Variants in ERCC6L2 observed in about 807,000 individuals in gnomAD.
ERCC6L2 encodes DNA excision repair protein ERCC-6-like 2.
A neutral mutation model predicts 132.0 loss-of-function variants in ERCC6L2; 77 were observed. That is an observed-to-expected ratio of 0.58 (90% CI 0.49 to 0.71). The LOEUF is 0.71. ERCC6L2 is among the 30% of genes least tolerant of loss of function. The pLI is 0.00. For missense variants in ERCC6L2, 1,542 were observed against 1,837.6 expected (o/e 0.84, Z 2.94); for synonymous variants, 583 against 632.4 (o/e 0.92, Z 1.17).
chr9:95,880,933 A>G lies in ERCC6L2; in HGVS notation c.111A>G (p.Ala37=). The part of the protein sequence containing the change: ...PSPDNGKLCE[A]SIKSITVDEN... ...CAGATAATGGAAAACTTTGTGAAGC[A>G]AGCATAAAATCTATCACAGTGGATG... The change falls in exon 2 of 19, where the codon GCA becomes GCG. Residue 37 remains alanine (A), a synonymous_variant. Coordinates refer to ENST00000653738, the MANE Select transcript of ERCC6L2 (RefSeq NM_020207.7). 6.2e-7 allele frequency: 1 copy of G among 1,613,906 alleles called. No homozygotes were observed. Among genetic ancestry groups the G allele is most frequent in the Non-Finnish European group, 8.5e-7 (1 of 1,179,894 alleles).
chr9:95,957,657 T>C (rs1831675062), intron 13 of ERCC6L2, among the ~76,000 whole-genome samples: 1 of 152,022 alleles, frequency 6.6e-6, no homozygotes, highest in Non-Finnish European at 1.5e-5. Flanking sequence ...TTATAAAATA[T>C]ACATTGTGCA....
intron 4 of ERCC6L2, among the ~76,000 whole-genome samples, chr9:95,908,276 C>T (rs952054739): frequency 3.9e-5 from 6 of 151,950 alleles, no homozygotes; most frequent in Admixed American, 1.3e-4. Flanking sequence ...TGATTAAAAC[C>T]GAGGCTGATT....
chr9:96,039,797 G>C (rs1257115050), intron 20 of ERCC6L2, among the ~76,000 whole-genome samples: 1 of 152,174 alleles, frequency 6.6e-6, no homozygotes, highest in Non-Finnish European at 1.5e-5. Context: ...CTGTCCCCCA[G>C]GGCTGCACAG....
At chr9:95,917,964 T>G (rs578196998) in intron 6 of ERCC6L2, among the ~76,000 whole-genome samples, 1 of 152,334 alleles carries the variant, frequency 6.6e-6, no homozygotes, top group Non-Finnish European at 1.5e-5. Context: ...AACTTCTATA[T>G]TCTCTTTTTT....
intron 4 of ERCC6L2, among the ~76,000 whole-genome samples, chr9:95,912,420 CA>C (rs1461900063): frequency 7.2e-5 from 11 of 152,024 alleles, no homozygotes; most frequent in African/African-American, 2.7e-4. Flanking sequence ...CAAATGTTGG[CA>C]AAATGTAAGT....
At chr9:95,923,684 C>A (rs933481026) in intron 9 of ERCC6L2, among the ~76,000 whole-genome samples, 1 of 152,098 alleles carries the variant, frequency 6.6e-6, no homozygotes, top group Admixed American at 6.6e-5. Flanking sequence ...AATAGCTTGT[C>A]TTCAGATGTT....
intron 19 of ERCC6L2, among the ~76,000 whole-genome samples, chr9:96,036,690 T>G (rs944967499): frequency 6.6e-6 from 1 of 152,014 alleles, no homozygotes; most frequent in African/African-American, 2.4e-5. Context: ...AGTTGATGTT[T>G]TTTTCCTAGT....
downstream of ERCC6L2, among the ~76,000 whole-genome samples, chr9:96,019,448 G>A (rs963589303): frequency 3.3e-5 from 5 of 152,032 alleles, no homozygotes; most frequent in Admixed American, 2.0e-4. Flanking sequence ...CAGTACCTAA[G>A]TGGCCTTCCT....
At chr9:95,902,060 G>A (rs1378683189) in intron 3 of ERCC6L2, among the ~76,000 whole-genome samples, 2 of 152,124 alleles carry the variant, frequency 1.3e-5, no homozygotes, top group African/African-American at 4.8e-5. Context: ...TGAACTGAAT[G>A]TTACAAATTA....
At chr9:95,929,131 G>C (rs1022308179) in intron 11 of ERCC6L2, 3 of 239,296 alleles carry the variant, frequency 1.3e-5, no homozygotes, top group African/African-American at 7.0e-5. Context: ...ATTTTCCATG[G>C]TAGTGTTTTG....
intron 11 of ERCC6L2, among the ~76,000 whole-genome samples, chr9:95,933,558 G>A (rs1830432303): frequency 1.3e-5 from 2 of 151,986 alleles, no homozygotes; most frequent in African/African-American, 4.8e-5. Flanking sequence ...GAAGTCTTCA[G>A]AACAGGCCAG....
intron 19 of ERCC6L2, among the ~76,000 whole-genome samples, chr9:96,028,625 G>A (rs1834413383): frequency 2.0e-5 from 3 of 152,150 alleles, no homozygotes; most frequent in Non-Finnish European, 4.4e-5. Flanking sequence ...ATAAAGCCTG[G>A]CTGTTCCCCT....
intron 19 of ERCC6L2, among the ~76,000 whole-genome samples, chr9:96,037,243 G>A (rs946602301): frequency 6.6e-6 from 1 of 152,222 alleles, no homozygotes; most frequent in Non-Finnish European, 1.5e-5. Flanking sequence ...CCCTGTGCGT[G>A]GAGAGGAAAA....
intron 2 of ERCC6L2, among the ~76,000 whole-genome samples, chr9:95,886,605 T>C (rs772891573): frequency 2.6e-5 from 4 of 152,194 alleles, no homozygotes; most frequent in Non-Finnish European, 4.4e-5. Flanking sequence ...GTTCAATTGG[T>C]TGACATTTGA....
At chr9:96,029,324 C>A (rs661156) in intron 19 of ERCC6L2, among the ~76,000 whole-genome samples, 7,643 of 103,096 alleles carry the variant, frequency 0.074, 165 homozygotes, top group Middle Eastern at 0.12. Context: ...AAAAAAAAAA[C>A]AAAAAAAAAA....
chr9:96,011,285 A>G (rs1834019244), intron 18 of ERCC6L2, among the ~76,000 whole-genome samples: 1 of 152,208 alleles, frequency 6.6e-6, no homozygotes, highest in Non-Finnish European at 1.5e-5. Context: ...GAGACAGAAG[A>G]GAAAGAAACT....
intron 2 of ERCC6L2, among the ~76,000 whole-genome samples, chr9:95,883,075 G>GTTCC (rs1827679765): frequency 6.6e-6 from 1 of 152,076 alleles, no homozygotes; most frequent in Non-Finnish European, 1.5e-5. Flanking sequence ...TTTTATCTGA[G>GTTCC]TTCCTTCCTC....
chr9:95,915,678 T>A lies in ERCC6L2; in HGVS notation c.799T>A (p.Ser267Thr). The A allele has an allele frequency of 6.2e-7, 1 of 1,612,334 alleles. No individual in the cohort carries two copies. The highest frequency in any genetic ancestry group is 2.2e-5 in the East Asian group (1 of 44,840). Reference protein sequence around the residue: ...CLDELNSLEWSAVIVDEAHRI... With the variant: ...CLDELNSLEWTAVIVDEAHRI... ...TTTCTTACTTTATAGTTTGGAATGG[T>A]CAGCTGTCATTGTGGATGAAGCTCA... The change falls in exon 5 of 19, where the codon TCA (serine) becomes ACA (threonine). Residue 267 changes from serine (S) to threonine (T), a missense_variant. Physicochemically the swap from Ser to Thr is moderately conservative, Grantham distance 58. Transcript: ENST00000653738.
At chr9:96,020,780 G>T (rs537899442), downstream of ERCC6L2, 42 of 456,790 alleles carry the variant, frequency 9.2e-5, no homozygotes, top group Middle Eastern at 3.3e-4. Context: ...GAGTGGACGG[G>T]CCTAAGAGAA....
Sources: gnomAD v4.1 joint callset for allele counts (sites outside exome capture counted in the v4.1 genomes callset) on GRCh38, gnomAD v4.1.1 for gene constraint, MANE v1.5 for transcripts, NCBI Gene and HGNC (gene_info 2026-07-23, HGNC 2026-07-21) for gene names.